TRPC3: variants seen among roughly 807,000 people sequenced by gnomAD.
TRPC3 encodes the protein short transient receptor potential channel 3.
TRPC3 carries 54 observed loss-of-function variants against 90.9 expected under a neutral mutation model. The ratio of observed to expected loss-of-function variants is 0.59; its 90% CI spans 0.48 to 0.75. TRPC3 has a LOEUF of 0.75. Among genes scored for constraint, TRPC3 ranks in the 30% least tolerant of loss-of-function variants. The pLI, the probability that TRPC3 is intolerant of heterozygous loss-of-function variation, is 0.00. For synonymous variants in TRPC3, 424 were observed against 450.9 expected (o/e 0.94, Z 0.75); for missense variants, 918 against 1,194.5 (o/e 0.77, Z 3.41).
chr4:121,932,462 A>G lies in TRPC3; in HGVS notation c.796T>C (p.Phe266Leu). 1 of 1,614,180 alleles carries G rather than the reference A, an allele frequency of 6.2e-7. No homozygotes were observed. The highest frequency in any genetic ancestry group is 8.5e-7 in the Non-Finnish European group (1 of 1,180,032). Residue 266 changes from phenylalanine (F) to leucine (L), a missense_variant, in exon 2 of 12, where the codon TTC becomes CTC. Phe to Leu is a conservative substitution (Grantham distance 22). Coordinates refer to ENST00000379645, the MANE Select transcript of TRPC3 (RefSeq NM_001130698.2). The surrounding 1 kb of genome is among the most constrained non-coding windows in gnomAD (Gnocchi z 7.7). ...TCCATGCAGTCCCCGCACTTGCAGA[A>G]ATAGTCGTGCGGCCGCTCGATCCTG... is the stretch of plus-strand genomic sequence containing the variant. ...GARIERPHDYFCKCGDCMEKQ... is the reference protein window; with the variant it reads ...GARIERPHDYLCKCGDCMEKQ...
chr4:121,904,643 G>A (rs1397097689), intron 7 of TRPC3, 126 bp from the exon 8 acceptor site: 1 of 550,150 alleles, frequency 1.8e-6, no homozygotes, highest in East Asian at 3.4e-5. Context: ...TATACTCCAA[G>A]AGCAGGATTA....
chr4:121,933,460 T>A (rs1209489587), intron 1 of TRPC3: 1 of 156,030 alleles, frequency 6.4e-6, no homozygotes, highest in African/African-American at 2.4e-5. Context: ...AGTTAATTTT[T>A]TAAAGAATGA....
chr4:121,927,849 T>C (rs748010698), intron 2 of TRPC3, among the ~76,000 whole-genome samples: 6 of 152,334 alleles, frequency 3.9e-5, no homozygotes, highest in Non-Finnish European at 7.4e-5. Flanking sequence ...AAATGTTCAG[T>C]CTCTGGTTTC....
intron 1 of TRPC3, among the ~76,000 whole-genome samples, chr4:121,947,544 A>G (rs1404781970): frequency 5.3e-5 from 8 of 152,178 alleles, no homozygotes; most frequent in Admixed American, 5.2e-4. Context: ...TGGTTCCTTG[A>G]TCATATAAAG....
At chr4:121,931,646 A>G (rs113971737) in intron 2 of TRPC3, among the ~76,000 whole-genome samples, 2,983 of 152,316 alleles carry the variant, frequency 0.02, 46 homozygotes, top group Middle Eastern at 0.071. Context: ...CTGAATATAC[A>G]TTTGTGGAAT....
intron 9 of TRPC3, among the ~76,000 whole-genome samples, chr4:121,901,879 C>T (rs916735489): frequency 1.3e-5 from 2 of 152,264 alleles, no homozygotes; most frequent in South Asian, 2.1e-4. Flanking sequence ...CACAACCAAT[C>T]GCTGACTTGT....
rs1348793380 is a variant in TRPC3 at position 121,932,606 on chromosome 4, C to A, written c.652G>T (p.Asp218Tyr). The change falls in exon 2 of 12, where the codon GAC (aspartate) becomes TAC (tyrosine). Residue 218 changes from aspartate to tyrosine, a missense_variant. Physicochemically the swap from Asp to Tyr is radical, Grantham distance 160. Around this residue, in one of 4 missense-constraint regions of TRPC3, gnomAD observed 609 missense variants for 725.9 expected, o/e 0.84. Transcript: ENST00000379645. The surrounding 1 kb of genome is among the most constrained non-coding windows in gnomAD (Gnocchi z 7.7). ...LSPCEQELQD[D>Y]DFYAYDEDGT... is the part of the protein sequence containing the mutation. The stretch of plus-strand genomic sequence containing the variant: ...TCCTCGTCGTAAGCGTAGAAGTCGT[C>A]GTCCTGCAGCTCCTGCTCACAGGGG... The A allele has an allele frequency of 1.2e-6, 2 of 1,613,916 alleles. No individual in the cohort carries two copies. Among genetic ancestry groups the A allele is most frequent in the South Asian group, 1.1e-5 (1 of 91,076 alleles).
At chr4:121,884,354 G>A (rs1056417929) in intron 10 of TRPC3, among the ~76,000 whole-genome samples, 18 of 152,246 alleles carry the variant, frequency 1.2e-4, no homozygotes, top group African/African-American at 3.1e-4. Context: ...AGAGGAGTAG[G>A]TAGCAAGGTG....
chr4:121,894,696 T>C (rs1728459438), intron 10 of TRPC3, among the ~76,000 whole-genome samples: 1 of 151,230 alleles, frequency 6.6e-6, no homozygotes, highest in African/African-American at 2.4e-5. Context: ...CCCAAGTATG[T>C]AGGATTACAG....
chr4:121,901,798 C>T (rs773042431), intron 9 of TRPC3, among the ~76,000 whole-genome samples: 1 of 152,128 alleles, frequency 6.6e-6, no homozygotes, highest in Non-Finnish European at 1.5e-5. Context: ...GGTCTAATGT[C>T]GAAGCTCTCT....
chr4:121,904,059 C>T (rs1048518920), intron 8 of TRPC3, among the ~76,000 whole-genome samples: 15 of 152,150 alleles, frequency 9.9e-5, no homozygotes, highest in Admixed American at 1.3e-4. Context: ...CTTCTAGCCA[C>T]TAATTTCAAA....
intron 9 of TRPC3, among the ~76,000 whole-genome samples, chr4:121,901,875 C>G (rs991407238): frequency 6.6e-6 from 1 of 152,120 alleles, no homozygotes; most frequent in Non-Finnish European, 1.5e-5. Flanking sequence ...CTGTCACAAC[C>G]AATCGCTGAC....
intron 7 of TRPC3, among the ~76,000 whole-genome samples, chr4:121,906,952 G>C (rs1174243179): frequency 1.3e-5 from 2 of 152,064 alleles, no homozygotes; most frequent in African/African-American, 2.4e-5. Flanking sequence ...AAAAGCTGAT[G>C]CTTCCTTTTT....
intron 1 of TRPC3, among the ~76,000 whole-genome samples, chr4:121,942,174 A>G (rs1435736562): frequency 6.6e-6 from 1 of 152,212 alleles, no homozygotes; most frequent in African/African-American, 2.4e-5. Context: ...TCCAGCACTT[A>G]TAAGCCCAGA....
At chr4:121,919,906 T>C (rs1161547854) in intron 3 of TRPC3, among the ~76,000 whole-genome samples, 1 of 152,108 alleles carries the variant, frequency 6.6e-6, no homozygotes, top group Non-Finnish European at 1.5e-5. Flanking sequence ...TAGACATAGC[T>C]CACGGTGAAG....
In TRPC3 at chr4:121,935,506, A is replaced by G. The variant is rs553177513; in HGVS notation, c.216-2464T>C. 3.9e-5 allele frequency among the ~76,000 whole-genome samples: 6 copies of G among 152,106 alleles called. No homozygotes were observed. In the South Asian group the frequency reaches 1.2e-3, roughly 32 times the overall value. On this transcript the variant is annotated intron_variant, in intron 1 of 11. Coordinates refer to ENST00000379645, the MANE Select transcript of TRPC3 (RefSeq NM_001130698.2). Reference sequence around the variant, plus strand: ...ACTGCATAGAAGAGAACTTTGTTTCAAGACCAAACTCTATGACAAGGATTT... The same window carrying G: ...ACTGCATAGAAGAGAACTTTGTTTCGAGACCAAACTCTATGACAAGGATTT...
At chr4:121,948,021 A>C (rs1295475726) in intron 1 of TRPC3, among the ~76,000 whole-genome samples, 1 of 151,512 alleles carries the variant, frequency 6.6e-6, no homozygotes, top group Non-Finnish European at 1.5e-5. Flanking sequence ...TCTAGCTTGG[A>C]CTCCCTTTGT....
intron 1 of TRPC3, among the ~76,000 whole-genome samples, chr4:121,934,690 A>T (rs1730067451): frequency 6.6e-6 from 1 of 152,198 alleles, no homozygotes; most frequent in African/African-American, 2.4e-5. Flanking sequence ...GGGGTGGATG[A>T]CTAAATTGGG....
chr4:121,918,447 G>C (rs990048352), intron 3 of TRPC3, among the ~76,000 whole-genome samples: 4 of 152,160 alleles, frequency 2.6e-5, no homozygotes, highest in African/African-American at 9.7e-5. Flanking sequence ...TTGAAGATGT[G>C]CTTTATGTCA....
Sources: gnomAD v4.1 joint callset for allele counts (sites outside exome capture counted in the v4.1 genomes callset) on GRCh38, gnomAD v4.1.1 for gene constraint, gnomAD v4.1.1 regional missense constraint, Gnocchi (gnomAD v3.1) non-coding constraint, MANE v1.5 for transcripts, NCBI Gene and HGNC (gene_info 2026-07-23, HGNC 2026-07-21) for gene names.